PBRM1: variants seen among roughly 807,000 people sequenced by gnomAD.
PBRM1 encodes the protein polybromo 1.
In PBRM1, 27 loss-of-function variants were observed where a neutral mutation model predicts 194.5. That is an observed-to-expected ratio of 0.14 (90% confidence interval 0.10 to 0.19). PBRM1 has a LOEUF of 0.19. Ranked by LOEUF, PBRM1 falls within the 10% of genes least tolerant of loss-of-function variation. PBRM1 has a pLI of 1.00. For missense variants in PBRM1, 1,466 were observed against 2,077.2 expected, an observed-to-expected ratio of 0.71 and a Z score of 5.72; for synonymous variants, 655 against 693.2, an observed-to-expected ratio of 0.94 and a Z score of 0.87.
chr3:52,575,670 TA>T (rs2089348850), intron 22 of PBRM1, among the ~76,000 whole-genome samples: 1 of 131,540 alleles, frequency 7.6e-6, no homozygotes, highest in East Asian at 2.2e-4. Flanking sequence ...CATGCCCAAA[TA>T]ATTTTTTTTT....
intron 15 of PBRM1, among the ~76,000 whole-genome samples, chr3:52,614,373 C>CAAAAAAAAAAAAA (rs1165930996): frequency 7.3e-5 from 3 of 40,920 alleles, no homozygotes; most frequent in African/African-American, 9.2e-5. Context: ...GATGCTTCAT[C>CAAAAAAAAAAAAA]AAAAAAAAAA....
intron 16 of PBRM1, among the ~76,000 whole-genome samples, chr3:52,608,868 C>T (rs955608035): frequency 2.0e-4 from 31 of 151,460 alleles, no homozygotes; most frequent in Non-Finnish European, 3.5e-4. Flanking sequence ...AAAAAAGAAA[C>T]CCTCTGAGGT....
At chr3:52,569,436 TCCTGACCTCGTGATCCG>T (rs950952469) in intron 22 of PBRM1, among the ~76,000 whole-genome samples, 6 of 152,094 alleles carry the variant, frequency 3.9e-5, no homozygotes, top group African/African-American at 1.4e-4. Context: ...GGTCCTGATC[TCCTGACCTCGTGATCCG>T]CCCGCCTTGG....
chr3:52,660,436 A>G (rs1271331262), intron 4 of PBRM1, among the ~76,000 whole-genome samples: 2 of 151,992 alleles, frequency 1.3e-5, no homozygotes. Flanking sequence ...TATATAAAAT[A>G]TAAAATTTTA....
Position 52,647,499 on chromosome 3 carries a change from A to C in PBRM1, c.813+845T>G, listed in dbSNP as rs191394811. On this transcript the variant is annotated intron_variant, in intron 7 of 29. Transcript: ENST00000296302. ...ATATATATATATATATGTAGTATTT[A>C]TATGTCCACATAAAAACGTATATGT... Among the ~76,000 whole-genome samples the C allele has an allele frequency of 5.8e-5, 8 of 139,000 alleles. No homozygotes were observed. In the East Asian group the frequency reaches 1.0e-3, roughly 18 times the overall value. The allele number at this position is 139,000 out of a possible 152,430, so 91.2% of individuals were successfully genotyped here. A position where few individuals can be genotyped will look rare whatever the true frequency, so the allele number is the denominator to read the frequency against.
At chr3:52,666,004 C>A in intron 3 of PBRM1, among the ~76,000 whole-genome samples, 1 of 151,650 alleles carries the variant, frequency 6.6e-6, no homozygotes, top group East Asian at 1.9e-4. Flanking sequence ...TAGATAAGAA[C>A]TAAAAGATTA....
At chr3:52,607,266 G>T (rs148089013) in intron 16 of PBRM1, among the ~76,000 whole-genome samples, 1 of 152,016 alleles carries the variant, frequency 6.6e-6, no homozygotes, top group African/African-American at 2.4e-5. Flanking sequence ...ATGGCTCCCC[G>T]TATGTTTTTC....
At chr3:52,611,796 C>A (rs910882335) in intron 15 of PBRM1, among the ~76,000 whole-genome samples, 3 of 151,754 alleles carry the variant, frequency 2.0e-5, no homozygotes, top group Non-Finnish European at 4.4e-5. Flanking sequence ...AGAGTAAGAC[C>A]CTGTCTCCAC....
At chr3:52,645,912 T>A (rs1009889568) in intron 7 of PBRM1, among the ~76,000 whole-genome samples, 2 of 152,204 alleles carry the variant, frequency 1.3e-5, no homozygotes, top group African/African-American at 4.8e-5. Flanking sequence ...AAACCGCAGA[T>A]AAGGTGAGGG....
chr3:52,634,893 C>T, intron 10 of PBRM1, 78 bp from the exon 12 acceptor site: 1 of 970,852 alleles, frequency 1.0e-6, no homozygotes, highest in East Asian at 2.4e-5. Flanking sequence ...CATTTAACAA[C>T]CTTCCAGATT....
At chr3:52,660,006 G>A (rs1431943608) in intron 4 of PBRM1, among the ~76,000 whole-genome samples, 2 of 152,206 alleles carry the variant, frequency 1.3e-5, no homozygotes, top group African/African-American at 2.4e-5. Flanking sequence ...CAGAAGAATC[G>A]TTTGAACCCA....
intron 27 of PBRM1, among the ~76,000 whole-genome samples, chr3:52,553,381 G>A (rs2081418437): frequency 6.6e-6 from 1 of 151,968 alleles, no homozygotes; most frequent in Non-Finnish European, 1.5e-5. Flanking sequence ...CGCTATTTCT[G>A]GAATCCATTT....
intron 20 of PBRM1, among the ~76,000 whole-genome samples, chr3:52,583,617 C>A (rs2091829735): frequency 6.6e-6 from 1 of 151,906 alleles, no homozygotes; most frequent in Non-Finnish European, 1.5e-5. Flanking sequence ...CCTACTTTCC[C>A]CCCTAGACCC....
chr3:52,581,172 G>T (rs1560045243), intron 20 of PBRM1, among the ~76,000 whole-genome samples: 1 of 152,274 alleles, frequency 6.6e-6, no homozygotes, highest in East Asian at 1.9e-4. Context: ...TGATCTTTAT[G>T]ACTTCAAATG....
At chr3:52,635,669 G>A (rs1007442848) in intron 10 of PBRM1, among the ~76,000 whole-genome samples, 3 of 152,126 alleles carry the variant, frequency 2.0e-5, no homozygotes, top group Non-Finnish European at 2.9e-5. Context: ...CATAGAAATA[G>A]AATATTAAAT....
At chr3:52,678,701 G>A (rs879400412) in intron 1 of PBRM1, 104 bp from the exon 3 acceptor site, 10 of 652,030 alleles carry the variant, frequency 1.5e-5, no homozygotes, top group Non-Finnish European at 2.7e-5. Flanking sequence ...AAGTAGAGAA[G>A]AAAAATGATG....
intron 22 of PBRM1, among the ~76,000 whole-genome samples, chr3:52,575,656 C>A (rs1340791338): frequency 6.8e-6 from 1 of 148,140 alleles, no homozygotes; most frequent in East Asian, 2.0e-4. Flanking sequence ...CAGACATGTG[C>A]CACCATGCCC....
intron 16 of PBRM1, among the ~76,000 whole-genome samples, chr3:52,604,407 ATG>A (rs2094204974): frequency 6.6e-6 from 1 of 152,216 alleles, no homozygotes; most frequent in South Asian, 2.1e-4. Context: ...TTCCTCATTT[ATG>A]AAATAAAGCG....
intron 2 of PBRM1, among the ~76,000 whole-genome samples, chr3:52,677,749 C>A (rs967901243): frequency 6.6e-6 from 1 of 152,122 alleles, no homozygotes; most frequent in African/African-American, 2.4e-5. Flanking sequence ...TTAGTAGAGA[C>A]AGGGTTTTGC....
Sources: allele counts gnomAD v4.1 joint callset (sites outside exome capture counted in the v4.1 genomes callset), GRCh38; gene constraint gnomAD v4.1.1; transcripts MANE v1.5; gene names NCBI Gene and HGNC (gene_info 2026-07-23, HGNC 2026-07-21).